Variants in GRTP1 observed in about 807,000 individuals in gnomAD.
The protein encoded by GRTP1 is growth hormone-regulated TBC protein 1.
A neutral mutation model predicts 38.1 loss-of-function variants in GRTP1; 56 were observed. The ratio of observed to expected loss-of-function variants is 1.47; its 90% CI spans 1.19 to 1.84. GRTP1 has a LOEUF of 1.84. Among genes scored for constraint, GRTP1 ranks in the 40% most tolerant of loss-of-function variants. The probability of loss-of-function intolerance (pLI) is 0.00; values close to 1 mark genes in which losing one functional copy is unlikely to be tolerated. For synonymous variants in GRTP1, 217 were observed against 189.5 expected (o/e 1.14, Z -1.19); for missense variants, 506 against 453.9 (o/e 1.11, Z -1.04).
In GRTP1 at chr13:113,352,655, C is replaced by T. The variant is rs547092796; in HGVS notation, c.341-1682G>A. On this transcript the variant is annotated intron_variant, in intron 3 of 7. Coordinates refer to ENST00000375431, the MANE Select transcript of GRTP1 (RefSeq NM_024719.4). ...CTTCCCGAAGTGCTGGGATTACAGGCGTGAGCCACCACACTAAGTTTCTTG... is the reference window on the plus strand; with the variant it reads ...CTTCCCGAAGTGCTGGGATTACAGGTGTGAGCCACCACACTAAGTTTCTTG... Among the ~76,000 whole-genome samples the T allele has an allele frequency of 3.9e-5, 6 of 152,140 alleles. No homozygotes were observed. The South Asian group carries it at 1.2e-3, about 32-fold the overall frequency.
intron 5 of GRTP1, among the ~76,000 whole-genome samples, chr13:113,337,485 G>A (rs186103200): frequency 1.3e-5 from 2 of 152,114 alleles, no homozygotes; most frequent in Non-Finnish European, 2.9e-5. Context: ...TGGAAAAGCG[G>A]CAATGACTTT....
At chr13:113,334,726 G>A (rs1246498608) in intron 5 of GRTP1, among the ~76,000 whole-genome samples, 2 of 152,228 alleles carry the variant, frequency 1.3e-5, no homozygotes, top group African/African-American at 4.8e-5. Flanking sequence ...AGCAGCAACA[G>A]TGGGCTCATC....
intron 4 of GRTP1, among the ~76,000 whole-genome samples, chr13:113,350,552 C>CCCCACAGCACACATAT (rs2043244750): frequency 6.6e-6 from 1 of 151,182 alleles, no homozygotes; most frequent in Non-Finnish European, 1.5e-5. Context: ...AGCACACACA[C>CCCCACAGCACACATAT]CCCACAGCAC....
intron 7 of GRTP1, 131 bp from the exon 8 acceptor site, chr13:113,324,708 G>C: frequency 6.9e-7 from 1 of 1,442,708 alleles, no homozygotes; most frequent in Non-Finnish European, 9.1e-7. Context: ...AAGGGCTTCT[G>C]GGGTGACCCA....
rs1269057472 is a variant in GRTP1, at chr13:113,343,524, C to T, written c.562+1339G>A. Reference sequence around the variant, plus strand: ...TGATGCACTTGAGCTTTGCCCCATCCGTGAGGACACACACTATGGTCTGTG... The same window carrying T: ...TGATGCACTTGAGCTTTGCCCCATCTGTGAGGACACACACTATGGTCTGTG... On this transcript the variant is annotated intron_variant, in intron 5 of 7. Transcript: ENST00000375431. The surrounding 1 kb of genome is among the most constrained non-coding windows in gnomAD (Gnocchi z 4.8). 1.3e-5 allele frequency among the ~76,000 whole-genome samples: 2 copies of T among 152,200 alleles called. No individual in the cohort carries two copies. Among genetic ancestry groups the T allele is most frequent in the Non-Finnish European group, 2.9e-5 (2 of 68,036 alleles).
Position 113,364,125 on chromosome 13 carries a change from C to T in GRTP1, c.-74G>A, listed in dbSNP as rs1451843874. On this transcript the variant is annotated 5_prime_UTR_variant, in exon 1 of 8. Coordinates refer to ENST00000375431, the MANE Select transcript of GRTP1 (RefSeq NM_024719.4). ...CCTCCCGGCTCCGGGGCGCTTAAGT[C>T]CTTCCGGCGGGACCGCGGGCGCGTG... 8.7e-6 allele frequency: 10 copies of T among 1,150,894 alleles called. No individual in the cohort carries two copies. Among genetic ancestry groups the T allele is most frequent in the East Asian group, 3.6e-5 (1 of 27,594 alleles). The allele number at this position is 1,150,894 out of a possible 1,614,324, so 71.3% of individuals were successfully genotyped here.
At chr13:113,359,111 C>T (rs983147603) in intron 2 of GRTP1, among the ~76,000 whole-genome samples, 4 of 152,280 alleles carry the variant, frequency 2.6e-5, no homozygotes, top group African/African-American at 2.4e-5. Context: ...GGATCTCCAA[C>T]GCATTAGGTG....
At chr13:113,334,280 A>ACTGCCCCCCCCCCCCCCGCC (rs1202504022) in intron 5 of GRTP1, among the ~76,000 whole-genome samples, 2 of 142,482 alleles carry the variant, frequency 1.4e-5, no homozygotes, top group Non-Finnish European at 3.1e-5. Context: ...CACTGCCACG[A>ACTGCCCCCCCCCCCCCCGCC]CAGCCTCCCG....
chr13:113,341,808 AC>A (rs1172385041), intron 5 of GRTP1, among the ~76,000 whole-genome samples: 1 of 152,104 alleles, frequency 6.6e-6, no homozygotes, highest in Non-Finnish European at 1.5e-5. Context: ...GCGGGTCGTC[AC>A]TTTTGTTTAA....
intron 1 of GRTP1, 29 bp downstream of exon 1, chr13:113,363,991 C>T (rs1287491609): frequency 3.7e-5 from 55 of 1,492,228 alleles, no homozygotes; most frequent in East Asian, 7.7e-5. Context: ...CCGCAGCCGC[C>T]GGGGACGCCC....
At position 113,324,436 on chromosome 13, in the gene GRTP1, T is replaced by C; in HGVS notation, c.*52A>G. The C allele has an allele frequency of 6.7e-7, 1 of 1,495,314 alleles. No homozygotes were observed. The highest frequency in any genetic ancestry group is 2.6e-5 in the East Asian group (1 of 39,188). The allele number at this position is 1,495,314 out of a possible 1,614,324, so 92.6% of individuals were successfully genotyped here. ...GTGAAAGTTGGTCCAGTGTCAACTC[T>C]GGAAAGGGGCATCGTCAGTGTAGAG... On this transcript the variant is annotated 3_prime_UTR_variant, in exon 8 of 8. Transcript: ENST00000375431.
intron 3 of GRTP1, among the ~76,000 whole-genome samples, chr13:113,352,355 ATATT>A (rs1385902313): frequency 4.3e-5 from 4 of 93,670 alleles, no homozygotes; most frequent in African/African-American, 8.7e-5. Flanking sequence ...ATATTTATAT[ATATT>A]TTATATATAT....
intron 5 of GRTP1, among the ~76,000 whole-genome samples, chr13:113,341,674 C>T (rs896462526): frequency 3.3e-5 from 5 of 152,136 alleles, no homozygotes; most frequent in African/African-American, 9.7e-5. Flanking sequence ...CTGTTTCTGT[C>T]GCTAATTTTC....
intron 5 of GRTP1, among the ~76,000 whole-genome samples, chr13:113,344,068 T>C (rs2043063495): frequency 1.3e-5 from 2 of 152,132 alleles, no homozygotes; most frequent in Admixed American, 1.3e-4. Context: ...AAAAGAATGG[T>C]TTTCACCTTA....
rs537749530 is a variant in GRTP1 at position 113,325,077 on chromosome 13, G to A, written c.922-500C>T. 7.5e-5 allele frequency: 73 copies of A among 975,300 alleles called. 1 individual carries two copies. In the Middle Eastern group the frequency reaches 1.6e-3, roughly 21 times the overall value. The allele number at this position is 975,300 out of a possible 1,614,324, so 60.4% of individuals were successfully genotyped here. A position where few individuals can be genotyped will look rare whatever the true frequency, so the allele number is the denominator to read the frequency against. ...ACTCCTGACCTCAGGTGATCCACAC[G>A]CCTTGGCCTCCCAAAGTGCTGGGAC... On this transcript the variant is annotated intron_variant, in intron 7 of 7. Coordinates refer to ENST00000375431, the MANE Select transcript of GRTP1 (RefSeq NM_024719.4).
At chr13:113,331,095 T>G (rs1002467126) in intron 5 of GRTP1, among the ~76,000 whole-genome samples, 3 of 151,642 alleles carry the variant, frequency 2.0e-5, no homozygotes, top group Non-Finnish European at 2.9e-5. Context: ...GGAGCCCAGG[T>G]GTGTGCATGG....
intron 5 of GRTP1, among the ~76,000 whole-genome samples, chr13:113,333,268 C>A (rs1237051337): frequency 6.6e-6 from 1 of 152,160 alleles, no homozygotes; most frequent in Non-Finnish European, 1.5e-5. Context: ...TCACGTGTAA[C>A]CCGGGGCAAT....
intron 2 of GRTP1, among the ~76,000 whole-genome samples, chr13:113,362,437 C>T (rs558152743): frequency 7.9e-5 from 12 of 152,228 alleles, no homozygotes; most frequent in East Asian, 5.8e-4. Flanking sequence ...ATGATGCATT[C>T]GTGGGAAGCA....
At position 113,343,448 on chromosome 13, in the gene GRTP1, C is replaced by T. The variant is rs1287616935; in HGVS notation, c.562+1415G>A. On this transcript the variant is annotated intron_variant, in intron 5 of 7. Coordinates refer to ENST00000375431, the MANE Select transcript of GRTP1 (RefSeq NM_024719.4). This position sits in a 1 kb window ranked among gnomAD's most constrained non-coding sequence, Gnocchi z 4.8. ...CCGTCAGGCTGGTCTCTGGCATCCTCATTTCTGCGCCCTTGGGTTGAGGGT... is the reference window on the plus strand; with the variant it reads ...CCGTCAGGCTGGTCTCTGGCATCCTTATTTCTGCGCCCTTGGGTTGAGGGT... Among the ~76,000 whole-genome samples the T allele has an allele frequency of 1.3e-5, 2 of 152,210 alleles. No homozygotes were observed. Among genetic ancestry groups the T allele is most frequent in the East Asian group, 3.9e-4 (2 of 5,188 alleles).
Sources: gnomAD v4.1 joint callset for allele counts (sites outside exome capture counted in the v4.1 genomes callset) on GRCh38, gnomAD v4.1.1 for gene constraint, Gnocchi (gnomAD v3.1) non-coding constraint, MANE v1.5 for transcripts, NCBI Gene and HGNC (gene_info 2026-07-23, HGNC 2026-07-21) for gene names.